NHEJ1: variants seen among roughly 807,000 people sequenced by gnomAD.
NHEJ1 encodes non-homologous end joining factor 1, also known as non-homologous end-joining factor 1.
A neutral mutation model predicts 39.4 loss-of-function variants in NHEJ1; 22 were observed. The observed-to-expected ratio is 0.56, with a 90% CI of 0.40 to 0.80. The LOEUF is 0.80. NHEJ1 is among the 30% of genes least tolerant of loss of function. The probability of loss-of-function intolerance (pLI) is 0.00; values close to 1 mark genes in which losing one functional copy is unlikely to be tolerated. For synonymous variants in NHEJ1, 154 were observed against 135.6 expected, an observed-to-expected ratio of 1.14 and a Z score of -0.94; for missense variants, 329 against 357.1, an observed-to-expected ratio of 0.92 and a Z score of 0.63.
chr2:219,105,384 C>T lies in NHEJ1; in HGVS notation c.589-27178G>A, dbSNP rs113996718. Reference sequence around the variant, plus strand: ...CTTTTTTTAGTTCAAAGAACTTGTACAGTAAGACATGTGGTTAATTATCAC... The same window carrying T: ...CTTTTTTTAGTTCAAAGAACTTGTATAGTAAGACATGTGGTTAATTATCAC... On this transcript the variant is annotated intron_variant, in intron 5 of 7. Coordinates refer to ENST00000356853, the MANE Select transcript of NHEJ1 (RefSeq NM_024782.3). Among the ~76,000 whole-genome samples, 1,429 of 152,186 alleles carry T rather than the reference C, an allele frequency of 9.4e-3. 19 individuals are homozygous for T. The highest frequency in any genetic ancestry group is 0.013 in the Non-Finnish European group (886 of 68,000).
intron 5 of NHEJ1, among the ~76,000 whole-genome samples, chr2:219,127,160 A>G (rs1227273238): frequency 2.0e-5 from 3 of 152,218 alleles, no homozygotes; most frequent in Non-Finnish European, 4.4e-5. Flanking sequence ...TACGTTGATC[A>G]GCAGGTTCCA....
chr2:219,143,550 G>C (rs1369880914), intron 5 of NHEJ1, among the ~76,000 whole-genome samples: 2 of 152,134 alleles, frequency 1.3e-5, no homozygotes, highest in East Asian at 3.9e-4. Context: ...TATGACCTTA[G>C]GCAAGTCACT....
At chr2:219,077,135 C>T in intron 7 of NHEJ1, 111 bp downstream of exon 7, 2 of 816,446 alleles carry the variant, frequency 2.4e-6, no homozygotes, top group Non-Finnish European at 4.3e-6. Context: ...ACAAATATCC[C>T]TCAATATTTT....
At chr2:219,078,986 T>G (rs139180795) in intron 5 of NHEJ1, among the ~76,000 whole-genome samples, 61 of 152,366 alleles carry the variant, frequency 4.0e-4, no homozygotes, top group Non-Finnish European at 7.6e-4. Flanking sequence ...AGGGAAGTGA[T>G]AATTTTTAAA....
chr2:219,079,472 C>G (rs1949043569), intron 5 of NHEJ1, among the ~76,000 whole-genome samples: 1 of 152,198 alleles, frequency 6.6e-6, no homozygotes, highest in Non-Finnish European at 1.5e-5. Context: ...AGGTGCTGAA[C>G]CAGTCAGGAT....
Position 219,159,578 on chromosome 2 carries a change from T to TATATATGCATATATATATATATGC in NHEJ1, c.-1+1141_-1+1142insGCATATATATATATATGCATATAT, listed in dbSNP as rs1553549878. ...ATATATATATGCATATATATATGCA[T>TATATATGCATATATATATATATGC]ATATATATGCATATATATATATGCA... On this transcript the variant is annotated intron_variant, in intron 1 of 7. Coordinates refer to ENST00000356853, the MANE Select transcript of NHEJ1 (RefSeq NM_024782.3). 3.7e-4 allele frequency among the ~76,000 whole-genome samples: 21 copies of TATATATGCATATATATATATATGC among 56,336 alleles called. 1 individual carries two copies. The highest frequency in any genetic ancestry group is 6.8e-4 in the Non-Finnish European group (20 of 29,464). The allele number at this position is 56,336 out of a possible 152,430, so 37.0% of individuals were successfully genotyped here. A position where few individuals can be genotyped will look rare whatever the true frequency, so the allele number is the denominator to read the frequency against.
At position 219,076,088 on chromosome 2, in the gene NHEJ1, T is replaced by A. The variant is rs896115408; in HGVS notation, c.*293A>T. 4 of 564,400 alleles carry A rather than the reference T, an allele frequency of 7.1e-6. No homozygotes were observed. Among genetic ancestry groups the A allele is most frequent in the Non-Finnish European group, 1.2e-5 (4 of 323,344 alleles). The allele number at this position is 564,400 out of a possible 1,614,324, so 35.0% of individuals were successfully genotyped here. A position where few individuals can be genotyped will look rare whatever the true frequency, so the allele number is the denominator to read the frequency against. On this transcript the variant is annotated 3_prime_UTR_variant, in exon 8 of 8. Transcript: ENST00000356853. ...TAGACAAGGCTTCCTGAGTGTGTGGTGCTTTCTTGCTGACTTGCCCTATAT... is the reference window on the plus strand; with the variant it reads ...TAGACAAGGCTTCCTGAGTGTGTGGAGCTTTCTTGCTGACTTGCCCTATAT...
chr2:219,160,626 A>G (rs1182683464), intron 1 of NHEJ1, 94 bp downstream of exon 1: 1 of 136,682 alleles, frequency 7.3e-6, no homozygotes, highest in East Asian at 2.5e-4. Context: ...CGCTCCCTCC[A>G]GGGAGAAAAG....
intron 5 of NHEJ1, among the ~76,000 whole-genome samples, chr2:219,088,212 C>T (rs1288833235): frequency 2.0e-5 from 3 of 152,222 alleles, no homozygotes; most frequent in African/African-American, 7.2e-5. Context: ...CCTAGCCATT[C>T]CACTTCTATG....
Position 219,078,336 on chromosome 2 carries a change from A to G in NHEJ1, c.589-130T>C, listed in dbSNP as rs1949033615. 6.3e-6 allele frequency: 5 copies of G among 799,388 alleles called. No individual in the cohort carries two copies. The Middle Eastern group carries it at 1.1e-3, about 173-fold the overall frequency. 49.5% of individuals were successfully genotyped at this position (799,388 alleles called of 1,614,324 possible). Reference sequence around the variant, plus strand: ...AAGCAGTTAGATCCAATAGGGGGCGACCATATCCAAGCCTGGTGGCAACCA... The same window carrying G: ...AAGCAGTTAGATCCAATAGGGGGCGGCCATATCCAAGCCTGGTGGCAACCA... On this transcript the variant is annotated intron_variant, in intron 5 of 7. Coordinates refer to ENST00000356853, the MANE Select transcript of NHEJ1 (RefSeq NM_024782.3).
rs895401282 is a variant in NHEJ1 at position 219,072,680 on chromosome 2, G to C, written c.*3701C>G. On this transcript the variant is annotated 3_prime_UTR_variant, in exon 8 of 8. Transcript: ENST00000356853. ...AAACAGAAAAGTGCACAGGAAGTGT[G>C]TCTATTAACACAGTCTACATTAACA... 7.5e-5 allele frequency among the ~76,000 whole-genome samples: 11 copies of C among 147,476 alleles called. No individual in the cohort carries two copies. The highest frequency in any genetic ancestry group is 1.3e-4 in the Non-Finnish European group (9 of 68,010).
At chr2:219,112,694 G>A (rs1949376547) in intron 5 of NHEJ1, among the ~76,000 whole-genome samples, 1 of 152,166 alleles carries the variant, frequency 6.6e-6, no homozygotes, top group South Asian at 2.1e-4. Context: ...TTCCCTGAAA[G>A]CTGATCTCTA....
intron 1 of NHEJ1, among the ~76,000 whole-genome samples, chr2:219,159,513 TTATA>T: frequency 1.1e-5 from 1 of 90,090 alleles, no homozygotes; most frequent in East Asian, 4.1e-4. Context: ...TGACATAACT[TTATA>T]TATATATGCA....
intron 5 of NHEJ1, among the ~76,000 whole-genome samples, chr2:219,092,418 G>T (rs1949169001): frequency 2.6e-5 from 4 of 152,060 alleles, no homozygotes; most frequent in South Asian, 2.1e-4. Flanking sequence ...TAAATCATGA[G>T]ATCTAGCAAT....
intron 5 of NHEJ1, among the ~76,000 whole-genome samples, chr2:219,082,520 T>A (rs1295421088): frequency 6.6e-6 from 1 of 152,204 alleles, no homozygotes; most frequent in Non-Finnish European, 1.5e-5. Flanking sequence ...TCCTTTCCTC[T>A]GAGACTGTTT....
At chr2:219,103,934 C>A (rs562051860) in intron 5 of NHEJ1, among the ~76,000 whole-genome samples, 1 of 152,284 alleles carries the variant, frequency 6.6e-6, no homozygotes, top group East Asian at 1.9e-4. Flanking sequence ...CCAGGTTTGC[C>A]TAACTCTAGA....
chr2:219,142,262 A>G (rs1188302039), intron 5 of NHEJ1, among the ~76,000 whole-genome samples: 1 of 152,256 alleles, frequency 6.6e-6, no homozygotes, highest in Non-Finnish European at 1.5e-5. Flanking sequence ...CAAAATCTCC[A>G]TCTCTGCTAA....
At chr2:219,084,196 G>A (rs1034965316) in intron 5 of NHEJ1, among the ~76,000 whole-genome samples, 2 of 151,888 alleles carry the variant, frequency 1.3e-5, no homozygotes, top group African/African-American at 4.8e-5. Flanking sequence ...TAGTAGAGAT[G>A]GGGCTGCACC....
intron 5 of NHEJ1, among the ~76,000 whole-genome samples, chr2:219,097,221 G>A (rs1017450448): frequency 1.3e-5 from 2 of 152,102 alleles, no homozygotes; most frequent in Non-Finnish European, 2.9e-5. Context: ...TTAAACTTAC[G>A]ATGGGTTTAT....
Sources: gnomAD v4.1 joint callset for allele counts (sites outside exome capture counted in the v4.1 genomes callset) on GRCh38, gnomAD v4.1.1 for gene constraint, MANE v1.5 for transcripts, NCBI Gene and HGNC (gene_info 2026-07-23, HGNC 2026-07-21) for gene names.